PARN: variants seen among roughly 807,000 people sequenced by gnomAD.
The protein encoded by PARN is poly(A)-specific ribonuclease PARN.
Under a neutral mutation model 102.8 loss-of-function variants are expected in PARN, and 71 were observed. The ratio of observed to expected loss-of-function variants is 0.69; its 90% CI spans 0.57 to 0.84. PARN has a LOEUF of 0.84. PARN is among the 40% of genes least tolerant of loss of function. PARN has a pLI of 0.00. For missense variants in PARN, 782 were observed against 760.9 expected, an observed-to-expected ratio of 1.03 and a Z score of -0.33; for synonymous variants, 261 against 252.9, an observed-to-expected ratio of 1.03 and a Z score of -0.30.
At chr16:14,577,989 G>C (rs1969253129) in intron 18 of PARN, among the ~76,000 whole-genome samples, 1 of 151,828 alleles carries the variant, frequency 6.6e-6, no homozygotes, top group South Asian at 2.1e-4. Flanking sequence ...TTTCTAAGGG[G>C]GTTAAGAATG....
chr16:14,504,774 G>C (rs867798684), intron 21 of PARN, among the ~76,000 whole-genome samples: 3 of 152,082 alleles, frequency 2.0e-5, no homozygotes, highest in South Asian at 2.1e-4. Flanking sequence ...TTTAAGCATT[G>C]AGAAAAACTT....
rs768874362 is a variant in PARN at position 14,436,781 on chromosome 16, A to G, written c.1865-9T>C. On this transcript the variant is annotated splice_polypyrimidine_tract_variant and intron_variant, in intron 23 of 23. Transcript: ENST00000437198. ...GTTCTTCGAGATGCTTCCTGGTGGG[A>G]AAGAACAAAACAATATGAACAGCAG... The G allele has an allele frequency of 2.2e-5, 34 of 1,576,526 alleles. No individual in the cohort carries two copies. In the Admixed American group the frequency reaches 6.3e-4, roughly 29 times the overall value.
intron 22 of PARN, among the ~76,000 whole-genome samples, chr16:14,453,437 C>G (rs1961552198): frequency 6.6e-6 from 1 of 152,136 alleles, no homozygotes. Context: ...AACATATTCC[C>G]CATTTTAAAT....
intron 21 of PARN, among the ~76,000 whole-genome samples, chr16:14,538,353 G>A (rs1430077468): frequency 6.6e-6 from 1 of 151,678 alleles, no homozygotes. Context: ...CAAGTAACTG[G>A]GACTACAGGT....
chr16:14,506,632 G>A (rs966246483), intron 21 of PARN, among the ~76,000 whole-genome samples: 2 of 152,228 alleles, frequency 1.3e-5, no homozygotes, highest in Admixed American at 1.3e-4. Flanking sequence ...TGTGTCTGCA[G>A]AGAGGGAGAC....
chr16:14,563,535 T>G (rs1306664194), intron 18 of PARN, among the ~76,000 whole-genome samples: 1 of 150,730 alleles, frequency 6.6e-6, no homozygotes, highest in African/African-American at 2.4e-5. Flanking sequence ...TATAATTCTT[T>G]TAAGTTCTGG....
intron 18 of PARN, among the ~76,000 whole-genome samples, chr16:14,573,399 A>G (rs544325128): frequency 8.5e-5 from 13 of 152,258 alleles, no homozygotes; most frequent in South Asian, 6.2e-4. Flanking sequence ...GCTGTATAAC[A>G]TATCTCTTGA....
intron 18 of PARN, among the ~76,000 whole-genome samples, chr16:14,565,249 G>A (rs1968360381): frequency 6.6e-6 from 1 of 152,180 alleles, no homozygotes. Flanking sequence ...CCACTGGCTA[G>A]ATGGGAGTGA....
At chr16:14,440,141 A>T (rs1490622373) in intron 23 of PARN, among the ~76,000 whole-genome samples, 1 of 152,212 alleles carries the variant, frequency 6.6e-6, no homozygotes, top group Non-Finnish European at 1.5e-5. Flanking sequence ...TCTATAAAGA[A>T]CTCTCAAAAT....
In PARN at chr16:14,582,230, G is replaced by A. The variant is rs978508693; in HGVS notation, c.1143C>T (p.Tyr381=). ...AGCACAGCCCTGTGATGTAGGCATC[G>A]TAGCCTGCCTCGTGGAGTTGTTCAG... ...TASEQLHEAG[Y]DAYITGLCFI... is the part of the protein sequence containing the mutation. Residue 381 remains tyrosine (Y), a synonymous_variant, in exon 17 of 24, where the codon TAC becomes TAT. Coordinates refer to ENST00000437198, the MANE Select transcript of PARN (RefSeq NM_002582.4). The A allele has an allele frequency of 1.1e-5, 17 of 1,613,448 alleles. No homozygotes were observed. The highest frequency in any genetic ancestry group is 2.2e-5 in the East Asian group (1 of 44,894).
chr16:14,534,319 A>G (rs1451890031), intron 21 of PARN, among the ~76,000 whole-genome samples: 2 of 152,108 alleles, frequency 1.3e-5, no homozygotes, highest in Non-Finnish European at 2.9e-5. Flanking sequence ...CTTCCTAATT[A>G]TTCTGTTGTT....
At chr16:14,590,234 CAAAAAAAAAAAAA>C (rs11302769) in intron 13 of PARN, among the ~76,000 whole-genome samples, 3 of 45,954 alleles carry the variant, frequency 6.5e-5, no homozygotes, top group Non-Finnish European at 1.0e-4. Flanking sequence ...GACTCCATCT[CAAAAAAAAAAAAA>C]AAAAAAAAAA....
At chr16:14,473,588 A>G (rs1310128259) in intron 22 of PARN, among the ~76,000 whole-genome samples, 1 of 152,180 alleles carries the variant, frequency 6.6e-6, no homozygotes, top group Admixed American at 6.5e-5. Flanking sequence ...CCCCAGAAAA[A>G]GCAAGACTAG....
At chr16:14,504,321 C>T (rs936256930) in intron 21 of PARN, among the ~76,000 whole-genome samples, 2 of 151,990 alleles carry the variant, frequency 1.3e-5, no homozygotes, top group African/African-American at 4.8e-5. Flanking sequence ...GCACTTTTGG[C>T]GACCGAGGTG....
chr16:14,449,790 C>G (rs1459365929), intron 22 of PARN, among the ~76,000 whole-genome samples: 1 of 152,216 alleles, frequency 6.6e-6, no homozygotes, highest in Non-Finnish European at 1.5e-5. Flanking sequence ...TATCACTTCT[C>G]ACCCACTAGG....
chr16:14,483,704 G>A (rs980596757), intron 21 of PARN, among the ~76,000 whole-genome samples: 5 of 151,658 alleles, frequency 3.3e-5, no homozygotes, highest in African/African-American at 9.7e-5. Context: ...GGACGAAGGC[G>A]CCTCAGATGT....
chr16:14,624,128 G>A (rs963910282), intron 5 of PARN, among the ~76,000 whole-genome samples: 2 of 152,212 alleles, frequency 1.3e-5, no homozygotes, highest in Non-Finnish European at 2.9e-5. Flanking sequence ...TGCGCACACA[G>A]GGTCTTATTT....
chr16:14,612,448 A>G (rs1383211844), intron 6 of PARN, among the ~76,000 whole-genome samples: 3 of 152,074 alleles, frequency 2.0e-5, no homozygotes, highest in African/African-American at 7.2e-5. Flanking sequence ...AAAAATAAAA[A>G]TAAAAATAAA....
chr16:14,546,456 A>G (rs1966949362), intron 21 of PARN, among the ~76,000 whole-genome samples: 1 of 152,212 alleles, frequency 6.6e-6, no homozygotes, highest in Admixed American at 6.5e-5. Context: ...ATTACTGGGT[A>G]ACTTTTTATG....
Sources: allele counts gnomAD v4.1 joint callset (sites outside exome capture counted in the v4.1 genomes callset), GRCh38; gene constraint gnomAD v4.1.1; transcripts MANE v1.5; gene names NCBI Gene and HGNC (gene_info 2026-07-23, HGNC 2026-07-21).